ZDHHC14: variants seen among roughly 807,000 people sequenced by gnomAD.
ZDHHC14 encodes the protein palmitoyltransferase ZDHHC14.
Under a neutral mutation model 47.7 loss-of-function variants are expected in ZDHHC14, and 16 were observed. The observed-to-expected ratio is 0.34, with a 90% CI of 0.23 to 0.51. The LOEUF is 0.51. Among genes scored for constraint, ZDHHC14 ranks in the 20% least tolerant of loss-of-function variants. The pLI, the probability that ZDHHC14 is intolerant of heterozygous loss-of-function variation, is 0.97. For synonymous variants in ZDHHC14, 293 were observed against 278.9 expected, an observed-to-expected ratio of 1.05 and a Z score of -0.50; for missense variants, 515 against 662.5, an observed-to-expected ratio of 0.78 and a Z score of 2.44.
chr6:157,608,128 C>G (rs142178420), intron 3 of ZDHHC14, among the ~76,000 whole-genome samples: 6 of 152,200 alleles, frequency 3.9e-5, no homozygotes, highest in African/African-American at 1.4e-4. Context: ...GCTGACACTT[C>G]GCTGGAGGAC....
chr6:157,437,804 C>T (rs1778471941), intron 1 of ZDHHC14, among the ~76,000 whole-genome samples: 1 of 151,898 alleles, frequency 6.6e-6, no homozygotes, highest in Non-Finnish European at 1.5e-5. Flanking sequence ...TCATTCTTCC[C>T]CATATTAAAT....
At chr6:157,503,113 G>A (rs1780226480) in intron 1 of ZDHHC14, among the ~76,000 whole-genome samples, 1 of 152,208 alleles carries the variant, frequency 6.6e-6, no homozygotes, top group Non-Finnish European at 1.5e-5. Flanking sequence ...GGCACCCAGA[G>A]ATAGCAGGCT....
intron 1 of ZDHHC14, among the ~76,000 whole-genome samples, chr6:157,392,989 C>T (rs1190925364): frequency 6.6e-6 from 1 of 152,080 alleles, no homozygotes; most frequent in Non-Finnish European, 1.5e-5. Flanking sequence ...AAGCAATTGT[C>T]CTGCCTCAGC....
At chr6:157,593,830 C>T (rs1029305695) in intron 3 of ZDHHC14, among the ~76,000 whole-genome samples, 2 of 152,216 alleles carry the variant, frequency 1.3e-5, no homozygotes, top group Admixed American at 1.3e-4. Context: ...CTGAGAGCTG[C>T]TCCCCACACC....
intron 8 of ZDHHC14, among the ~76,000 whole-genome samples, chr6:157,663,765 T>A (rs889147437): frequency 6.6e-6 from 1 of 152,132 alleles, no homozygotes; most frequent in Non-Finnish European, 1.5e-5. Flanking sequence ...TCATCCACCT[T>A]CACACCGACA....
intron 1 of ZDHHC14, among the ~76,000 whole-genome samples, chr6:157,405,602 C>T (rs896512216): frequency 2.0e-5 from 3 of 152,060 alleles, no homozygotes; most frequent in Non-Finnish European, 2.9e-5. Flanking sequence ...AGAAAAACCT[C>T]TCCAAGGGTT....
At chr6:157,460,372 C>A (rs1181472335) in intron 1 of ZDHHC14, among the ~76,000 whole-genome samples, 1 of 132,820 alleles carries the variant, frequency 7.5e-6, no homozygotes, top group Non-Finnish European at 1.5e-5. Flanking sequence ...GCACTCCAGC[C>A]TGGGCAACAG....
intron 7 of ZDHHC14, among the ~76,000 whole-genome samples, chr6:157,650,281 AG>A (rs1777763781): frequency 6.6e-6 from 1 of 152,014 alleles, no homozygotes; most frequent in Non-Finnish European, 1.5e-5. Context: ...TGAAAGACAA[AG>A]GGGGCAGCTG....
Position 157,427,394 on chromosome 6 carries a change from C to T in ZDHHC14, c.245+45128C>T, listed in dbSNP as rs770034062. Among the ~76,000 whole-genome samples, 12 of 152,130 alleles carry T rather than the reference C, an allele frequency of 7.9e-5. No homozygotes were observed. The highest frequency in any genetic ancestry group is 4.2e-4 in the South Asian group (2 of 4,810). ...CAGAGATGCGCAGGATGCAGGGCCC[C>T]GAGGACTGGAGGGCATTTATGTTTT... On this transcript the variant is annotated intron_variant, in intron 1 of 8. Transcript: ENST00000359775. The surrounding 1 kb of genome is among the most constrained non-coding windows in gnomAD (Gnocchi z 4.4).
intron 1 of ZDHHC14, among the ~76,000 whole-genome samples, chr6:157,452,903 C>T (rs1043584614): frequency 1.3e-5 from 2 of 151,918 alleles, no homozygotes; most frequent in African/African-American, 4.8e-5. Context: ...CAGGGTTTCA[C>T]CGTGTTGGTC....
At chr6:157,485,048 G>C (rs1779744760) in intron 1 of ZDHHC14, among the ~76,000 whole-genome samples, 1 of 152,080 alleles carries the variant, frequency 6.6e-6, no homozygotes, top group South Asian at 2.1e-4. Context: ...CATGAGACGA[G>C]ATCGCGCCAC....
intron 1 of ZDHHC14, among the ~76,000 whole-genome samples, chr6:157,529,533 A>G (rs1781289970): frequency 6.6e-6 from 1 of 152,182 alleles, no homozygotes; most frequent in Non-Finnish European, 1.5e-5. Context: ...CCCAAGAGAA[A>G]TGTTCTTGAC....
intron 3 of ZDHHC14, among the ~76,000 whole-genome samples, chr6:157,620,214 C>G (rs186390672): frequency 6.6e-6 from 1 of 152,252 alleles, no homozygotes; most frequent in East Asian, 1.9e-4. Flanking sequence ...GGCCTTCTTG[C>G]TGATGGGGAC....
Position 157,504,972 on chromosome 6 carries a change from G to A in ZDHHC14, c.246-37613G>A, listed in dbSNP as rs139016361. The stretch of plus-strand genomic sequence containing the variant: ...ATTACAGGTGAGCGCCACCACACCC[G>A]GCTAATTTTGTATTTTTAGTAGAGA... On this transcript the variant is annotated intron_variant, in intron 1 of 8. Transcript: ENST00000359775. Among the ~76,000 whole-genome samples the A allele has an allele frequency of 2.0e-3, 298 of 151,630 alleles. 2 individuals are homozygous for A. Among genetic ancestry groups the A allele is most frequent in the African/African-American group, 6.6e-3 (274 of 41,334 alleles).
intron 8 of ZDHHC14, among the ~76,000 whole-genome samples, chr6:157,661,394 G>C (rs1196024536): frequency 6.6e-6 from 1 of 152,196 alleles, no homozygotes; most frequent in Non-Finnish European, 1.5e-5. Flanking sequence ...TTACATGCTG[G>C]AAGATTATTT....
intron 2 of ZDHHC14, among the ~76,000 whole-genome samples, chr6:157,545,874 G>A (rs139466577): frequency 1.2e-3 from 176 of 152,288 alleles, no homozygotes; most frequent in Non-Finnish European, 1.8e-3. Context: ...GTTCTTATCT[G>A]TGAAATAGGA....
intron 1 of ZDHHC14, among the ~76,000 whole-genome samples, chr6:157,448,899 A>G (rs1459954519): frequency 6.6e-6 from 1 of 152,154 alleles, no homozygotes; most frequent in Non-Finnish European, 1.5e-5. Flanking sequence ...TTATTAGTCC[A>G]TTTGGTTGTC....
chr6:157,649,012 G>T (rs1777692550), intron 7 of ZDHHC14, among the ~76,000 whole-genome samples: 1 of 152,198 alleles, frequency 6.6e-6, no homozygotes, highest in African/African-American at 2.4e-5. Flanking sequence ...GTTGTTTAGA[G>T]ACCACAAACT....
intron 1 of ZDHHC14, among the ~76,000 whole-genome samples, chr6:157,534,178 C>A (rs1293438549): frequency 1.3e-5 from 2 of 152,166 alleles, no homozygotes; most frequent in East Asian, 3.9e-4. Flanking sequence ...CAGGACAAAT[C>A]CCAAATCACT....
Sources: allele counts gnomAD v4.1 joint callset (sites outside exome capture counted in the v4.1 genomes callset), GRCh38; gene constraint gnomAD v4.1.1; non-coding constraint Gnocchi (gnomAD v3.1); transcripts MANE v1.5; gene names NCBI Gene and HGNC (gene_info 2026-07-23, HGNC 2026-07-21).